Variants in SGCD observed in about 807,000 individuals in gnomAD.
The protein encoded by SGCD is delta-sarcoglycan.
In SGCD, 18 loss-of-function variants were observed where a neutral mutation model predicts 36.6. That is an observed-to-expected ratio of 0.49 (90% confidence interval 0.34 to 0.73). The LOEUF (loss-of-function observed/expected upper bound fraction) is 0.73, where lower values mean the gene tolerates loss of function less well. SGCD is among the 30% of genes least tolerant of loss of function. The pLI is 0.01. For synonymous variants in SGCD, 133 were observed against 130.6 expected, an observed-to-expected ratio of 1.02 and a Z score of -0.12; for missense variants, 387 against 346.7, an observed-to-expected ratio of 1.12 and a Z score of -0.92.
chr5:156,477,457 A>G (rs1462219662), intron 3 of SGCD, among the ~76,000 whole-genome samples: 1 of 152,192 alleles, frequency 6.6e-6, no homozygotes, highest in Non-Finnish European at 1.5e-5. Flanking sequence ...TGAGTCACAA[A>G]CAATCTCATT....
At chr5:156,136,465 A>G (rs1206372090) in intron 3 of SGCD, among the ~76,000 whole-genome samples, 2 of 152,218 alleles carry the variant, frequency 1.3e-5, no homozygotes, top group East Asian at 1.9e-4. Flanking sequence ...ATGGATGACC[A>G]CATGCAAATG....
chr5:155,951,401 T>C (rs1213162093), intron 1 of SGCD, among the ~76,000 whole-genome samples: 6 of 152,110 alleles, frequency 3.9e-5, no homozygotes, highest in African/African-American at 1.2e-4. Context: ...CTCAAAAATA[T>C]GATGTTGGCC....
intron 6 of SGCD, among the ~76,000 whole-genome samples, chr5:156,600,284 T>C (rs73299144): frequency 0.053 from 8,004 of 152,204 alleles, 701 homozygotes; most frequent in African/African-American, 0.18. Context: ...GCAACTTTTA[T>C]CCATTAACCA....
chr5:155,886,383 A>T (rs924508820), intron 1 of SGCD, among the ~76,000 whole-genome samples: 1 of 152,172 alleles, frequency 6.6e-6, no homozygotes, highest in Non-Finnish European at 1.5e-5. Flanking sequence ...AAATGTCCAG[A>T]TGAGAGAATC....
chr5:155,952,829 A>G (rs573371832), intron 1 of SGCD, among the ~76,000 whole-genome samples: 10 of 152,194 alleles, frequency 6.6e-5, no homozygotes, highest in Non-Finnish European at 1.3e-4. Flanking sequence ...TGAAAAGTGT[A>G]ATGAAATGTG....
intron 1 of SGCD, among the ~76,000 whole-genome samples, chr5:156,098,883 C>A (rs1439162657): frequency 6.6e-6 from 1 of 152,210 alleles, no homozygotes; most frequent in African/African-American, 2.4e-5. Flanking sequence ...TATCTCTTGG[C>A]AGGAAAGAGA....
intron 6 of SGCD, among the ~76,000 whole-genome samples, chr5:156,623,865 G>A (rs1222579989): frequency 3.3e-5 from 5 of 152,092 alleles, no homozygotes; most frequent in Non-Finnish European, 5.9e-5. Context: ...GAGTATTCAG[G>A]CCCTAGTGGT....
chr5:156,007,917 A>G (rs1758786440), intron 1 of SGCD, among the ~76,000 whole-genome samples: 1 of 152,218 alleles, frequency 6.6e-6, no homozygotes, highest in Non-Finnish European at 1.5e-5. Context: ...ATTTGCAGAC[A>G]TTTGTCCAGG....
chr5:156,190,379 C>T (rs755903995), intron 3 of SGCD, among the ~76,000 whole-genome samples: 5 of 151,988 alleles, frequency 3.3e-5, no homozygotes, highest in Admixed American at 6.6e-5. Context: ...AGGATCTGCC[C>T]GGAAGAAAGT....
chr5:155,756,387 T>A, the SGCD span, among the ~76,000 whole-genome samples: 45 of 152,338 alleles, frequency 3.0e-4, 1 homozygote, highest in South Asian at 9.1e-3. Flanking sequence ...CCTTATAAAA[T>A]CTTTCTGCCT....
chr5:155,868,360 CTTTTTTTTTTTTT>C (rs10532701), upstream of SGCD, among the ~76,000 whole-genome samples: 8 of 110,716 alleles, frequency 7.2e-5, no homozygotes, highest in African/African-American at 2.1e-4. Flanking sequence ...CCCTTTTTTT[CTTTTTTTTTTTTT>C]TTTTTTTTTA....
At chr5:156,321,984 A>G (rs916283144), upstream of SGCD, among the ~76,000 whole-genome samples, 1 of 152,096 alleles carries the variant, frequency 6.6e-6, no homozygotes, top group African/African-American at 2.4e-5. Context: ...GCCTCTTTTC[A>G]GGCTTTTGCT....
chr5:156,587,032 C>T (rs1760524164), intron 4 of SGCD, among the ~76,000 whole-genome samples: 1 of 152,120 alleles, frequency 6.6e-6, no homozygotes, highest in Non-Finnish European at 1.5e-5. Context: ...TTACCCAAGG[C>T]CATACAATTA....
chr5:156,119,473 T>C (rs187757638), intron 2 of SGCD, among the ~76,000 whole-genome samples: 33 of 152,280 alleles, frequency 2.2e-4, no homozygotes, highest in Middle Eastern at 6.8e-3. Context: ...AGGAATGCTG[T>C]GTGTAGGTGT....
chr5:156,124,121 T>C (rs1446141798), intron 3 of SGCD: 2 of 152,212 alleles, frequency 1.3e-5, no homozygotes, highest in African/African-American at 4.8e-5. Context: ...CTGACCTTCT[T>C]CTCTTTACTT....
the SGCD span, among the ~76,000 whole-genome samples, chr5:155,774,632 G>T: frequency 1.3e-5 from 2 of 151,916 alleles, no homozygotes; most frequent in Non-Finnish European, 2.9e-5. Context: ...CCATCTATAA[G>T]ACACATCACT....
chr5:155,761,848 C>G, the SGCD span, among the ~76,000 whole-genome samples: 1 of 151,942 alleles, frequency 6.6e-6, no homozygotes, highest in Non-Finnish European at 1.5e-5. Flanking sequence ...TCCTCTCCAT[C>G]ATCATCTTCA....
In SGCD at chr5:156,061,618, G is replaced by A. The variant is rs1760209573; in HGVS notation, c.-281-56260G>A. 1.4e-5 allele frequency among the ~76,000 whole-genome samples: 2 copies of A among 146,274 alleles called. 1 individual carries two copies. The highest frequency in any genetic ancestry group is 3.1e-5 in the Non-Finnish European group (2 of 64,908). On this transcript the variant is annotated intron_variant, in intron 1 of 9. Coordinates refer to the SGCD transcript ENST00000517913. ...TTTTCAGGGGAAGTGTTAAATGTAGGAATCACAGTAGAAATTTGATCTATG... is the reference window on the plus strand; with the variant it reads ...TTTTCAGGGGAAGTGTTAAATGTAGAAATCACAGTAGAAATTTGATCTATG...
chr5:156,293,757 G>C lies in SGCD; in HGVS notation c.-43-35777G>C, dbSNP rs559492134. 8.1e-4 allele frequency among the ~76,000 whole-genome samples: 123 copies of C among 152,120 alleles called. 1 individual carries two copies. The highest frequency in any genetic ancestry group is 1.3e-3 in the Non-Finnish European group (89 of 67,976). Reference sequence around the variant, plus strand: ...GAAATCAGGACATATGAGTCCTTTAGTTTTGTTCTTCCCTTTCAGGATTGT... The same window carrying C: ...GAAATCAGGACATATGAGTCCTTTACTTTTGTTCTTCCCTTTCAGGATTGT... On this transcript the variant is annotated intron_variant, in intron 3 of 9. Coordinates refer to the SGCD transcript ENST00000517913.
Sources: allele counts gnomAD v4.1 joint callset (sites outside exome capture counted in the v4.1 genomes callset), GRCh38; gene constraint gnomAD v4.1.1; transcripts MANE v1.5; gene names NCBI Gene and HGNC (gene_info 2026-07-23, HGNC 2026-07-21).